The following PGAP1 variants were observed in gnomAD, a reference collection of about 807,000 sequenced individuals.
The protein encoded by PGAP1 is GPI inositol-deacylase.
In PGAP1, 76 loss-of-function variants were observed where a neutral mutation model predicts 127.0. The observed-to-expected ratio is 0.60, with a 90% CI of 0.50 to 0.72. The LOEUF (loss-of-function observed/expected upper bound fraction) is 0.72, where lower values mean the gene tolerates loss of function less well. Among genes scored for constraint, PGAP1 ranks in the 30% least tolerant of loss-of-function variants. The pLI is 0.00. For missense variants in PGAP1, 982 were observed against 1,071.3 expected, an observed-to-expected ratio of 0.92 and a Z score of 1.16; for synonymous variants, 362 against 366.5, an observed-to-expected ratio of 0.99 and a Z score of 0.14.
chr2:196,894,802 A>AAAAAAC (rs550723911), intron 7 of PGAP1, among the ~76,000 whole-genome samples: 2 of 152,260 alleles, frequency 1.3e-5, no homozygotes, highest in Admixed American at 1.3e-4. Flanking sequence ...ACTCCGTCTC[A>AAAAAAC]AAAAACAAAA....
intron 5 of PGAP1, among the ~76,000 whole-genome samples, chr2:196,901,388 TGA>T (rs1405935456): frequency 6.6e-6 from 1 of 152,206 alleles, no homozygotes; most frequent in African/African-American, 2.4e-5. Flanking sequence ...ATTTAATGAA[TGA>T]ACAGTAATCT....
intron 20 of PGAP1, among the ~76,000 whole-genome samples, chr2:196,864,390 CAAAAAAAAA>C: frequency 3.1e-5 from 1 of 32,398 alleles, no homozygotes; most frequent in African/African-American, 1.2e-4. Flanking sequence ...AACTACGTCT[CAAAAAAAAA>C]AAAAAAAAAA....
At chr2:196,868,368 G>A (rs1701307113) in intron 19 of PGAP1, among the ~76,000 whole-genome samples, 1 of 152,160 alleles carries the variant, frequency 6.6e-6, no homozygotes, top group African/African-American at 2.4e-5. Context: ...ATCGTTATGA[G>A]TATTAAATGT....
intron 19 of PGAP1, among the ~76,000 whole-genome samples, chr2:196,866,770 C>T (rs1276700240): frequency 6.6e-6 from 1 of 151,292 alleles, no homozygotes; most frequent in African/African-American, 2.4e-5. Context: ...TAAACAAATT[C>T]ACAAGAAAAA....
chr2:196,873,898 T>C (rs948430254), intron 14 of PGAP1, 140 bp from the exon 15 acceptor site: 1 of 550,144 alleles, frequency 1.8e-6, no homozygotes, highest in Admixed American at 3.3e-5. Context: ...AGTTAACTCC[T>C]AAAAATCTAA....
At chr2:196,914,258 AAT>A (rs1223457252) in intron 3 of PGAP1, among the ~76,000 whole-genome samples, 2 of 152,148 alleles carry the variant, frequency 1.3e-5, no homozygotes, top group African/African-American at 4.8e-5. Flanking sequence ...TAAAAATAAA[AAT>A]AACTCCCTTT....
chr2:196,901,718 A>G (rs1374185814), intron 5 of PGAP1, among the ~76,000 whole-genome samples: 1 of 152,244 alleles, frequency 6.6e-6, no homozygotes, highest in Non-Finnish European at 1.5e-5. Context: ...AAGAATAAGT[A>G]GCAAATTAAT....
intron 7 of PGAP1, among the ~76,000 whole-genome samples, chr2:196,896,598 C>A (rs1702280100): frequency 6.6e-6 from 1 of 152,074 alleles, no homozygotes; most frequent in Non-Finnish European, 1.5e-5. Context: ...GTAATCCCAG[C>A]ACTTTGGGAG....
At chr2:196,889,561 A>G (rs1374009862) in intron 10 of PGAP1, among the ~76,000 whole-genome samples, 1 of 152,032 alleles carries the variant, frequency 6.6e-6, no homozygotes, top group Non-Finnish European at 1.5e-5. Flanking sequence ...ATCCAAATTA[A>G]GAAACAATCC....
intron 5 of PGAP1, 57 bp from the exon 6 acceptor site, chr2:196,898,426 G>T: frequency 8.3e-7 from 1 of 1,202,530 alleles, no homozygotes; most frequent in Non-Finnish European, 1.2e-6. Flanking sequence ...TCTCTAAAAG[G>T]TATGAAATTC....
At chr2:196,876,280 T>A (rs1701567188) in intron 13 of PGAP1, among the ~76,000 whole-genome samples, 1 of 152,096 alleles carries the variant, frequency 6.6e-6, no homozygotes, top group Non-Finnish European at 1.5e-5. Flanking sequence ...GATAGTCTAA[T>A]TAGACTATAA....
chr2:196,919,507 T>G (rs985818582), intron 2 of PGAP1, among the ~76,000 whole-genome samples: 1 of 152,228 alleles, frequency 6.6e-6, no homozygotes, highest in Non-Finnish European at 1.5e-5. Flanking sequence ...CAGCATCAAT[T>G]TGGAATCTGT....
At chr2:196,898,975 T>C (rs1168028350) in intron 5 of PGAP1, among the ~76,000 whole-genome samples, 3 of 149,640 alleles carry the variant, frequency 2.0e-5, no homozygotes, top group South Asian at 4.2e-4. Flanking sequence ...ACTAGTAAAA[T>C]ATACAAGGAC....
chr2:196,856,624 G>C (rs1700892058), intron 20 of PGAP1, among the ~76,000 whole-genome samples: 1 of 152,180 alleles, frequency 6.6e-6, no homozygotes, highest in African/African-American at 2.4e-5. Flanking sequence ...CACATAAAAA[G>C]TTCACCAAGG....
At chr2:196,850,142 T>C (rs182717250) in intron 20 of PGAP1, among the ~76,000 whole-genome samples, 2 of 152,210 alleles carry the variant, frequency 1.3e-5, no homozygotes, top group Non-Finnish European at 2.9e-5. Context: ...AGGAATGTTA[T>C]CCACTCCTAG....
At chr2:196,861,859 T>C (rs755328754) in intron 20 of PGAP1, among the ~76,000 whole-genome samples, 1 of 151,738 alleles carries the variant, frequency 6.6e-6, no homozygotes, top group African/African-American at 2.4e-5. Flanking sequence ...ACTCCCCTAA[T>C]CAATACCCTT....
intron 1 of PGAP1, 140 bp downstream of exon 1, chr2:196,926,330 G>A (rs1703359125): frequency 7.7e-7 from 1 of 1,297,468 alleles, no homozygotes; most frequent in African/African-American, 1.5e-5. Context: ...GAGTCTCCCC[G>A]GGCGGAGAAA....
At chr2:196,861,019 C>G (rs1352379283) in intron 20 of PGAP1, among the ~76,000 whole-genome samples, 1 of 152,016 alleles carries the variant, frequency 6.6e-6, no homozygotes, top group East Asian at 1.9e-4. Flanking sequence ...AATAGAGAAC[C>G]CAGAAATCCA....
chr2:196,889,042 T>C (rs1373701314), intron 10 of PGAP1, among the ~76,000 whole-genome samples: 3 of 152,178 alleles, frequency 2.0e-5, no homozygotes, highest in South Asian at 2.1e-4. Context: ...TAATAAAAAT[T>C]GAAAAGATTT....
Sources: gnomAD v4.1 joint callset for allele counts (sites outside exome capture counted in the v4.1 genomes callset) on GRCh38, gnomAD v4.1.1 for gene constraint, MANE v1.5 for transcripts, NCBI Gene and HGNC (gene_info 2026-07-23, HGNC 2026-07-21) for gene names.